The following DDX43 variants were observed in gnomAD, a reference collection of about 807,000 sequenced individuals.
DDX43 encodes the protein DEAD-box helicase 43.
In DDX43, 50 loss-of-function variants were observed where a neutral mutation model predicts 84.9. The ratio of observed to expected loss-of-function variants is 0.59; its 90% CI spans 0.47 to 0.75. The LOEUF is 0.75. DDX43 is among the 30% of genes least tolerant of loss of function. The probability of loss-of-function intolerance (pLI) is 0.00; values close to 1 mark genes in which losing one functional copy is unlikely to be tolerated. For missense variants in DDX43, 689 were observed against 798.6 expected, an observed-to-expected ratio of 0.86 and a Z score of 1.65; for synonymous variants, 291 against 266.3, an observed-to-expected ratio of 1.09 and a Z score of -0.90.
In DDX43 at chr6:73,416,165, A is replaced by G. The variant is rs311685; in HGVS notation, c.1886A>G (p.Gln629Arg). 849,089 of 1,571,216 alleles carry G rather than the reference A, an allele frequency of 0.54. 234,913 individuals are homozygous for G. Among genetic ancestry groups the G allele is most frequent in the South Asian group, 0.59 (52,576 of 89,832 alleles). The change falls in exon 16 of 17, where the codon CAG (glutamine) becomes CGG (arginine). Residue 629 changes from glutamine to arginine, a missense_variant. Physicochemically the swap from Gln to Arg is conservative, Grantham distance 43 (BLOSUM62 1). This residue lies in a region of DDX43 where 552 missense variants were observed against 692.7 expected (regional missense o/e 0.80). Transcript: ENST00000370336. ...SMAERFKAHQ[Q>R]KREMERKMER... Reference sequence around the variant, plus strand: ...GCTGAGAGGTTTAAGGCACATCAACAGAAAAGGGAAATGGAAAGAAAAATG... The same window carrying G: ...GCTGAGAGGTTTAAGGCACATCAACGGAAAAGGGAAATGGAAAGAAAAATG...
chr6:73,415,454 A>G (rs1582643108), intron 14 of DDX43, 43 bp from the exon 15 acceptor site: 2 of 1,369,250 alleles, frequency 1.5e-6, no homozygotes, highest in East Asian at 4.6e-5. Context: ...ATTCTGTATT[A>G]ACTGAATAAT....
At chr6:73,413,595 A>C in intron 11 of DDX43, 63 bp from the exon 12 acceptor site, 1 of 1,512,700 alleles carries the variant, frequency 6.6e-7, no homozygotes, top group Non-Finnish European at 8.9e-7. Context: ...TTTTGAGCTG[A>C]TGTATGCGGT....
intron 14 of DDX43, 95 bp downstream of exon 14, chr6:73,414,781 C>A: frequency 8.4e-7 from 1 of 1,194,078 alleles, no homozygotes; most frequent in Non-Finnish European, 1.2e-6. Context: ...TATTCTATTA[C>A]CTATAATTTT....
intron 9 of DDX43, 72 bp downstream of exon 9, chr6:73,408,173 G>A (rs1049165229): frequency 2.8e-5 from 43 of 1,513,518 alleles, no homozygotes; most frequent in African/African-American, 5.5e-5. Context: ...AGTGGGTCAC[G>A]CCTGTAATCC....
At chr6:73,399,425 C>G (rs751998100) in intron 2 of DDX43, among the ~76,000 whole-genome samples, 1 of 152,140 alleles carries the variant, frequency 6.6e-6, no homozygotes, top group Non-Finnish European at 1.5e-5. Context: ...TCCTGACATA[C>G]GCTGCTACCA....
chr6:73,415,705 C>CTAA (rs1769887452), intron 15 of DDX43, 121 bp downstream of exon 15: 1 of 655,540 alleles, frequency 1.5e-6, no homozygotes, highest in Admixed American at 2.9e-5. Context: ...GTTTTGAGGG[C>CTAA]TTTAGCATGG....
At chr6:73,408,974 G>A (rs1236076763) in intron 9 of DDX43, among the ~76,000 whole-genome samples, 2 of 152,148 alleles carry the variant, frequency 1.3e-5, no homozygotes, top group African/African-American at 2.4e-5. Context: ...TGGAAAATAG[G>A]TACACAGTAA....
intron 10 of DDX43, among the ~76,000 whole-genome samples, chr6:73,411,476 G>A (rs533674386): frequency 9.3e-5 from 14 of 150,302 alleles, no homozygotes; most frequent in African/African-American, 1.7e-4. Flanking sequence ...TTATAGGCAC[G>A]CACCACCACG....
intron 10 of DDX43, among the ~76,000 whole-genome samples, chr6:73,411,690 A>C (rs527749653): frequency 1.1e-4 from 17 of 151,476 alleles, no homozygotes; most frequent in African/African-American, 3.9e-4. Flanking sequence ...GTTCATAAAA[A>C]CCTAGTATTT....
At chr6:73,406,531 A>G in intron 7 of DDX43, 49 bp downstream of exon 7, 1 of 1,181,512 alleles carries the variant, frequency 8.5e-7, no homozygotes, top group African/African-American at 1.5e-5. Context: ...TAATAGATTT[A>G]GATATCAAAA....
In DDX43 at chr6:73,404,552, C is replaced by T. The variant is rs1258864591; in HGVS notation, c.569-138C>T. 4.3e-6 allele frequency: 3 copies of T among 695,966 alleles called. No individual in the cohort carries two copies. In the African/African-American group the frequency reaches 5.4e-5, roughly 13 times the overall value. 43.1% of individuals were successfully genotyped at this position (695,966 alleles called of 1,614,324 possible). On this transcript the variant is annotated intron_variant, in intron 4 of 16. Coordinates refer to ENST00000370336, the MANE Select transcript of DDX43 (RefSeq NM_018665.3). ...GGGAGATCTCTTCGATGGGAGCAAG[C>T]CTCGTTGGCAAAGTGTAGAACTATC...
At chr6:73,407,479 A>G (rs369867495) in intron 7 of DDX43, 26 bp from the exon 8 acceptor site, 1 of 1,439,382 alleles carries the variant, frequency 6.9e-7, no homozygotes. Flanking sequence ...CAAGTAATTT[A>G]ATATTAATCT....
Position 73,395,039 on chromosome 6 carries a change from T to G in DDX43, c.134T>G (p.Val45Gly), listed in dbSNP as rs1222948623. The change falls in exon 1 of 17, where the codon GTC becomes GGC. Residue 45 changes from valine (V) to glycine (G), a missense_variant. Val to Gly is a moderately radical substitution (Grantham distance 109, BLOSUM62 -3). This residue lies in a region of DDX43 where 137 missense variants were observed against 105.9 expected (regional missense o/e 1.29). Transcript: ENST00000370336. ...CGAACAGGTCCTGAGGGATATAGTG[T>G]CGGCAGAGGTGGTCGCTGGAGAGGC... ...LNRTGPEGYS[V>G]GRGGRWRGTS... The G allele has an allele frequency of 1.2e-6, 2 of 1,614,016 alleles. No individual in the cohort carries two copies. Among genetic ancestry groups the G allele is most frequent in the Non-Finnish European group, 1.7e-6 (2 of 1,179,982 alleles).
At chr6:73,415,357 T>G in intron 14 of DDX43, 140 bp from the exon 15 acceptor site, 1 of 516,808 alleles carries the variant, frequency 1.9e-6, no homozygotes, top group Non-Finnish European at 3.4e-6. Context: ...CTTTGCTGTT[T>G]AAACCACAGC....
chr6:73,417,180 TTTTCAGA>T lies in DDX43; in HGVS notation c.*26-6_*26del. The T allele has an allele frequency of 6.6e-6, 1 of 152,310 alleles. No homozygotes were observed. Among genetic ancestry groups the T allele is most frequent in the East Asian group, 1.9e-4 (1 of 5,188 alleles). 9.4% of individuals were successfully genotyped at this position (152,310 alleles called of 1,614,324 possible). A position where few individuals can be genotyped will look rare whatever the true frequency, so the allele number is the denominator to read the frequency against. Reference sequence around the variant, plus strand: ...TCAGCAATTTACATTTTTTTTCTATTTTTCAGAATTCAAGATTTTTTAGAAATATAGT... The same window carrying T: ...TCAGCAATTTACATTTTTTTTCTATTATTCAAGATTTTTTAGAAATATAGT... On this transcript the variant is annotated splice_acceptor_variant and splice_polypyrimidine_tract_variant and 3_prime_UTR_variant and intron_variant, in exon 17 of 17. Coordinates refer to ENST00000370336, the MANE Select transcript of DDX43 (RefSeq NM_018665.3). LOFTEE classifies it low-confidence loss of function (3UTR_SPLICE).
At chr6:73,404,808 T>G in intron 5 of DDX43, 37 bp downstream of exon 5, 1 of 1,480,286 alleles carries the variant, frequency 6.8e-7, no homozygotes, top group Non-Finnish European at 9.4e-7. Flanking sequence ...TAAGTATTTG[T>G]ATAGTTACGT....
At chr6:73,404,578 A>C in intron 4 of DDX43, 112 bp from the exon 5 acceptor site, 1 of 847,572 alleles carries the variant, frequency 1.2e-6, no homozygotes, top group South Asian at 1.6e-5. Flanking sequence ...TAGAACTATC[A>C]AATGGTATGC....
chr6:73,398,587 A>G (rs1475126475), intron 2 of DDX43, among the ~76,000 whole-genome samples: 2 of 152,126 alleles, frequency 1.3e-5, no homozygotes, highest in Non-Finnish European at 2.9e-5. Flanking sequence ...CTGCATAAGA[A>G]TGAGATCACT....
chr6:73,412,668 T>TGCGCGC lies in DDX43; in HGVS notation c.1368+382_1368+387dup, dbSNP rs200406044. On this transcript the variant is annotated intron_variant, in intron 11 of 16. Transcript: ENST00000370336. Reference sequence around the variant, plus strand: ...GTGTGTGTGTGTGTGTGTGTGTGTGTGCGCGCGCGCGTGTGTGTGTGTGCG... The same window carrying TGCGCGC: ...GTGTGTGTGTGTGTGTGTGTGTGTGTGCGCGCGCGCGCGCGCGTGTGTGTGTGTGCG... Among the ~76,000 whole-genome samples the TGCGCGC allele has an allele frequency of 1.9e-3, 207 of 108,422 alleles. 7 individuals are homozygous for TGCGCGC. The highest frequency in any genetic ancestry group is 6.0e-3 in the East Asian group (21 of 3,472). The allele number at this position is 108,422 out of a possible 152,430, so 71.1% of individuals were successfully genotyped here.
Sources: allele counts gnomAD v4.1 joint callset (sites outside exome capture counted in the v4.1 genomes callset), GRCh38; gene constraint gnomAD v4.1.1; regional missense constraint gnomAD v4.1.1; transcripts MANE v1.5; gene names NCBI Gene and HGNC (gene_info 2026-07-23, HGNC 2026-07-21).